Variants in USP28 observed in about 807,000 individuals in gnomAD.
The protein encoded by USP28 is ubiquitin carboxyl-terminal hydrolase 28.
USP28 carries 113 observed loss-of-function variants against 145.0 expected under a neutral mutation model. The observed-to-expected ratio is 0.78, with a 90% CI of 0.67 to 0.91. The LOEUF (loss-of-function observed/expected upper bound fraction) is 0.91. USP28 is among the 40% of genes least tolerant of loss of function. USP28 has a pLI of 0.00. For missense variants in USP28, 1,201 were observed against 1,289.6 expected (o/e 0.93, Z 1.05); for synonymous variants, 447 against 450.9 (o/e 0.99, Z 0.11).
chr11:113,806,575 T>C, exon 19 of USP28: 2 of 1,576,354 alleles, frequency 1.3e-6, no homozygotes, highest in Non-Finnish European at 1.7e-6. Flanking sequence ...ATGGCAGGGC[T>C]CAGCATCACC....
At chr11:113,847,168 A>G (rs1424683562) in intron 3 of USP28, among the ~76,000 whole-genome samples, 2 of 152,262 alleles carry the variant, frequency 1.3e-5, no homozygotes, top group Middle Eastern at 3.4e-3. Flanking sequence ...TAATAGATAA[A>G]TTAACCTGAC....
chr11:113,803,670 G>C, intron 22 of USP28, 128 bp downstream of exon 23: 1 of 703,902 alleles, frequency 1.4e-6, no homozygotes, highest in Non-Finnish European at 2.4e-6. Context: ...CACTGCAAGA[G>C]AAGAGGCACA....
chr11:113,817,924 A>G, intron 12 of USP28, 87 bp from the exon 13 acceptor site: 4 of 1,402,566 alleles, frequency 2.9e-6, no homozygotes, highest in South Asian at 1.3e-5. Flanking sequence ...TATCACAGCA[A>G]GTCAATGGAA....
At chr11:113,811,645 G>A (rs772518066) in intron 16 of USP28, among the ~76,000 whole-genome samples, 6 of 151,702 alleles carry the variant, frequency 4.0e-5, no homozygotes, top group Non-Finnish European at 7.4e-5. Flanking sequence ...CTGAGATTGC[G>A]CCACTGCACT....
intron 5 of USP28, among the ~76,000 whole-genome samples, chr11:113,836,722 T>G (rs1944606776): frequency 6.6e-6 from 1 of 152,206 alleles, no homozygotes. Flanking sequence ...TCTCTCCCTG[T>G]GCATCCTTGC....
chr11:113,840,216 C>T (rs527253931), intron 5 of USP28, among the ~76,000 whole-genome samples: 2 of 152,220 alleles, frequency 1.3e-5, no homozygotes, highest in African/African-American at 4.8e-5. Context: ...ATCTCCTCAG[C>T]GCCTCAAGAA....
chr11:113,851,284 T>C lies in USP28; in HGVS notation c.268+1217A>G, dbSNP rs143744479. On this transcript the variant is annotated intron_variant, in intron 3 of 24. Coordinates refer to ENST00000003302, the Ensembl canonical transcript of USP28. ...TTTATATCATTCCTTTGCTCCAAAC[T>C]CTTCAAAGGCTACCCACCTAACTCA... Among the ~76,000 whole-genome samples, 587 of 152,278 alleles carry C rather than the reference T, an allele frequency of 3.9e-3. 9 individuals carry two copies. Among genetic ancestry groups the C allele is most frequent in the African/African-American group, 0.012 (506 of 41,562 alleles).
chr11:113,810,955 G>A (rs904557585), intron 16 of USP28, among the ~76,000 whole-genome samples: 1 of 152,232 alleles, frequency 6.6e-6, no homozygotes, highest in Non-Finnish European at 1.5e-5. Context: ...GATTACAGGC[G>A]TGAACCACCA....
At chr11:113,869,694 G>A (rs1316137899) in intron 1 of USP28, among the ~76,000 whole-genome samples, 22 of 152,152 alleles carry the variant, frequency 1.4e-4, no homozygotes, top group Admixed American at 1.4e-3. Context: ...TGCTTAGGGT[G>A]GTACATAGCA....
exon 25 of USP28, chr11:113,798,892 A>C (rs1938420613): frequency 6.2e-6 from 1 of 160,354 alleles, no homozygotes; most frequent in Non-Finnish European, 1.4e-5. Context: ...TCATTCTTCT[A>C]TTCTGCTGTC....
At chr11:113,799,154 T>C in exon 25 of USP28, 2 of 1,439,526 alleles carry the variant, frequency 1.4e-6, no homozygotes, top group Non-Finnish European at 1.9e-6. Flanking sequence ...ACCTAATCCT[T>C]TTCCCAAGGT....
chr11:113,800,069 C>A (rs1312258645), intron 24 of USP28, among the ~76,000 whole-genome samples: 5 of 151,558 alleles, frequency 3.3e-5, no homozygotes, highest in Non-Finnish European at 1.5e-5. Context: ...GCAGTGGCGC[C>A]ATCTTTGCTC....
chr11:113,800,320 GT>G (rs560087213), intron 24 of USP28, among the ~76,000 whole-genome samples: 214 of 151,418 alleles, frequency 1.4e-3, no homozygotes, highest in Non-Finnish European at 1.9e-3. Flanking sequence ...TGTTTTGTTT[GT>G]TTTTTAAAGA....
intron 5 of USP28, 101 bp from the exon 6 acceptor site, chr11:113,834,436 T>C (rs1446480471): frequency 8.9e-6 from 7 of 783,878 alleles, no homozygotes; most frequent in East Asian, 3.0e-5. Context: ...TTTAAAAGTA[T>C]GCAAAACTAT....
At chr11:113,815,472 A>G in intron 13 of USP28, 90 bp from the exon 14 acceptor site, 1 of 1,218,768 alleles carries the variant, frequency 8.2e-7, no homozygotes, top group Non-Finnish European at 1.2e-6. Flanking sequence ...ATGCTATATG[A>G]AAAAGTACAG....
At chr11:113,826,406 T>C (rs113000801) in intron 11 of USP28, among the ~76,000 whole-genome samples, 1,450 of 122,118 alleles carry the variant, frequency 0.012, 26 homozygotes, top group African/African-American at 0.042. Context: ...TGGAGTGCAG[T>C]GACATGAACA....
At chr11:113,818,014 C>T (rs1942013857) in intron 12 of USP28, 177 bp from the exon 13 acceptor site, 3 of 527,396 alleles carry the variant, frequency 5.7e-6, no homozygotes, top group Non-Finnish European at 9.4e-6. Flanking sequence ...AACTACAAAA[C>T]TAAAAATTGC....
chr11:113,845,663 C>T (rs183639145), intron 3 of USP28, among the ~76,000 whole-genome samples: 56 of 152,242 alleles, frequency 3.7e-4, no homozygotes, highest in Admixed American at 2.6e-3. Flanking sequence ...TAGCCTCAAC[C>T]TCCAGGGCTC....
chr11:113,874,471 C>T (rs1170999150), intron 1 of USP28: 13 of 557,590 alleles, frequency 2.3e-5, no homozygotes, highest in South Asian at 2.3e-4. Flanking sequence ...CTAAATACTA[C>T]TGGCCTTCCA....
Sources: allele counts gnomAD v4.1 joint callset (sites outside exome capture counted in the v4.1 genomes callset), GRCh38; gene constraint gnomAD v4.1.1; transcripts MANE v1.5; gene names NCBI Gene and HGNC (gene_info 2026-07-23, HGNC 2026-07-21).